MED13L: variants seen among roughly 807,000 people sequenced by gnomAD.
The protein encoded by MED13L is mediator of RNA polymerase II transcription subunit 13-like.
Under a neutral mutation model 220.9 loss-of-function variants are expected in MED13L, and 7 were observed. That is an observed-to-expected ratio of 0.03 (90% CI 0.02 to 0.06). MED13L has a LOEUF of 0.06. Among genes scored for constraint, MED13L ranks in the 10% least tolerant of loss-of-function variants. MED13L has a pLI of 1.00. For missense variants in MED13L, 1,965 were observed against 2,760.5 expected (o/e 0.71, Z 6.46); for synonymous variants, 1,011 against 1,015.2 (o/e 1.00, Z 0.08).
intron 17 of MED13L, 58 bp from the exon 18 acceptor site, chr12:115,987,346 T>A: frequency 1.4e-6 from 2 of 1,464,946 alleles, no homozygotes. Context: ...CTCCTCTTCC[T>A]CACCATCACC....
intron 1 of MED13L, among the ~76,000 whole-genome samples, chr12:116,253,745 TTTTTTTTG>T (rs1871779444): frequency 7.1e-6 from 1 of 141,676 alleles, no homozygotes; most frequent in African/African-American, 2.7e-5. Context: ...ACCTTCACGG[TTTTTTTTG>T]TTTTTTTTTT....
intron 2 of MED13L, among the ~76,000 whole-genome samples, chr12:116,147,705 A>G (rs952060515): frequency 1.3e-5 from 2 of 152,122 alleles, no homozygotes; most frequent in Non-Finnish European, 2.9e-5. Context: ...TAATTTTTCT[A>G]CCTTACAAGA....
chr12:116,023,877 G>A (rs992760827), intron 4 of MED13L, among the ~76,000 whole-genome samples: 2 of 152,018 alleles, frequency 1.3e-5, no homozygotes, highest in Non-Finnish European at 2.9e-5. Flanking sequence ...ACATCTATAG[G>A]TATAAAATAA....
chr12:115,980,881 G>C lies in MED13L; in HGVS notation c.5233C>G (p.Gln1745Glu). The change falls in exon 23 of 31, where the codon CAA (glutamine) becomes GAA (glutamate). Residue 1745 changes from glutamine (Q) to glutamate (E), a missense_variant. Physicochemically the swap from Gln to Glu is conservative, Grantham distance 29 (BLOSUM62 2). Coordinates refer to ENST00000281928, the MANE Select transcript of MED13L (RefSeq NM_015335.5). ...TMKDEQVFYI[Q>E]YLKSMAFSVY... ...GAAAATGCCATGGACTTCAAGTATT[G>C]AATGTAGAAAACTTGCTCATCCTTC... The C allele has an allele frequency of 1.9e-6, 3 of 1,613,430 alleles. No individual in the cohort carries two copies. The highest frequency in any genetic ancestry group is 2.5e-6 in the Non-Finnish European group (3 of 1,179,998).
At chr12:116,250,887 T>G (rs563379170) in intron 1 of MED13L, among the ~76,000 whole-genome samples, 1 of 149,390 alleles carries the variant, frequency 6.7e-6, no homozygotes. Flanking sequence ...ATGTCAGATA[T>G]AGAAAGAAGA....
At chr12:116,029,325 TA>T (rs1194743467) in intron 4 of MED13L, among the ~76,000 whole-genome samples, 89 of 151,042 alleles carry the variant, frequency 5.9e-4, no homozygotes, top group African/African-American at 2.1e-3. Flanking sequence ...AAAAAACCAT[TA>T]AAAAAATTGA....
intron 18 of MED13L, 31 bp from the exon 19 acceptor site, chr12:115,986,520 T>C (rs1164334107): frequency 6.2e-7 from 1 of 1,601,540 alleles, no homozygotes; most frequent in African/African-American, 1.3e-5. Flanking sequence ...AGAAAGGTGC[T>C]AGAGAGTTTT....
Position 116,031,715 on chromosome 12 carries a change from GAA to G in MED13L, c.480-9116_480-9115del, listed in dbSNP as rs1555251707. 2.0e-3 allele frequency among the ~76,000 whole-genome samples: 94 copies of G among 46,382 alleles called. 4 individuals carry two copies. The highest frequency in any genetic ancestry group is 8.0e-3 in the African/African-American group (86 of 10,756). The allele number at this position is 46,382 out of a possible 152,430, so 30.4% of individuals were successfully genotyped here. A position where few individuals can be genotyped will look rare whatever the true frequency, so the allele number is the denominator to read the frequency against. On this transcript the variant is annotated intron_variant, in intron 4 of 30. Coordinates refer to ENST00000281928, the MANE Select transcript of MED13L (RefSeq NM_015335.5). ...GAAAAGAAAAGAAAAGAAAAGAAAA[GAA>G]AAGAAAAGAAAAGAAAAGAAAAGAA... is the stretch of plus-strand genomic sequence containing the variant.
chr12:116,014,063 G>C (rs770856430), intron 8 of MED13L, among the ~76,000 whole-genome samples: 1 of 152,216 alleles, frequency 6.6e-6, no homozygotes, highest in Non-Finnish European at 1.5e-5. Flanking sequence ...AAAGTGACTA[G>C]AGATAACTTT....
intron 4 of MED13L, among the ~76,000 whole-genome samples, chr12:116,026,050 G>T (rs73198012): frequency 6.6e-6 from 1 of 151,790 alleles, no homozygotes; most frequent in Admixed American, 6.6e-5. Flanking sequence ...ATAGTAAAAA[G>T]AAAAAGTAAG....
intron 23 of MED13L, 86 bp downstream of exon 23, chr12:115,980,664 C>T: frequency 1.4e-6 from 2 of 1,428,500 alleles, no homozygotes; most frequent in Admixed American, 1.7e-5. Context: ...ACTAAGCAAC[C>T]AGCCAATCTC....
At chr12:116,017,266 A>G (rs766428886) in intron 7 of MED13L, among the ~76,000 whole-genome samples, 8 of 152,228 alleles carry the variant, frequency 5.3e-5, no homozygotes, top group Non-Finnish European at 1.2e-4. Flanking sequence ...TTGTTTCTGA[A>G]TTATGACTAT....
At chr12:116,006,178 A>C (rs549346360) in intron 12 of MED13L, 128 bp downstream of exon 12, 1 of 1,231,744 alleles carries the variant, frequency 8.1e-7, no homozygotes, top group Admixed American at 2.1e-5. Flanking sequence ...AAAACAAACT[A>C]TGAAAAATAT....
At chr12:116,190,936 AC>A (rs999543756) in intron 2 of MED13L, among the ~76,000 whole-genome samples, 1 of 151,988 alleles carries the variant, frequency 6.6e-6, no homozygotes, top group African/African-American at 2.4e-5. Flanking sequence ...TACTAAAAAT[AC>A]AAAAATTAGT....
intron 2 of MED13L, among the ~76,000 whole-genome samples, chr12:116,129,026 T>C (rs937221397): frequency 6.6e-6 from 1 of 152,214 alleles, no homozygotes; most frequent in East Asian, 1.9e-4. Context: ...TATTATTTTC[T>C]TCCTGGAAAA....
intron 4 of MED13L, among the ~76,000 whole-genome samples, chr12:116,042,885 G>A (rs751773436): frequency 6.8e-4 from 103 of 152,254 alleles, no homozygotes; most frequent in Non-Finnish European, 1.4e-3. Context: ...TGGGTATGGT[G>A]CCATTACACT....
intron 4 of MED13L, among the ~76,000 whole-genome samples, chr12:116,056,285 G>GTTT (rs71095506): frequency 1.3e-5 from 2 of 149,134 alleles, no homozygotes; most frequent in South Asian, 4.2e-4. Flanking sequence ...TTTTTTGTTT[G>GTTT]TTTTTTTTTT....
At chr12:116,181,585 G>A (rs781664939) in intron 2 of MED13L, among the ~76,000 whole-genome samples, 14 of 152,078 alleles carry the variant, frequency 9.2e-5, no homozygotes, top group Non-Finnish European at 1.9e-4. Flanking sequence ...TCGGCTCACC[G>A]CAACCTCCAC....
At chr12:116,086,141 G>A (rs890607141) in intron 4 of MED13L, among the ~76,000 whole-genome samples, 1 of 152,214 alleles carries the variant, frequency 6.6e-6, no homozygotes, top group African/African-American at 2.4e-5. Context: ...TACGAGGGCA[G>A]AGTGATTTGA....
Sources: gnomAD v4.1 joint callset for allele counts (sites outside exome capture counted in the v4.1 genomes callset) on GRCh38, gnomAD v4.1.1 for gene constraint, MANE v1.5 for transcripts, NCBI Gene and HGNC (gene_info 2026-07-23, HGNC 2026-07-21) for gene names.